Variants in TTYH1 observed in about 807,000 individuals in gnomAD.
TTYH1 encodes protein tweety homolog 1.
TTYH1 carries 33 observed loss-of-function variants against 61.2 expected under a neutral mutation model. The observed-to-expected ratio is 0.54, with a 90% CI of 0.41 to 0.72. TTYH1 has a LOEUF of 0.72. TTYH1 is among the 30% of genes least tolerant of loss of function. The pLI is 0.00. For missense variants in TTYH1, 538 were observed against 575.8 expected, an observed-to-expected ratio of 0.93 and a Z score of 0.67; for synonymous variants, 308 against 266.4, an observed-to-expected ratio of 1.16 and a Z score of -1.52.
intron 10 of TTYH1, among the ~76,000 whole-genome samples, chr19:54,433,875 T>C (rs1321060777): frequency 1.3e-5 from 2 of 152,156 alleles, no homozygotes; most frequent in East Asian, 3.9e-4. Context: ...TTTCCACCAT[T>C]GCAAGAGGCG....
chr19:54,426,644 G>A, intron 4 of TTYH1, 29 bp from the exon 5 acceptor site: 1 of 1,596,428 alleles, frequency 6.3e-7, no homozygotes, highest in Non-Finnish European at 8.6e-7. Flanking sequence ...GCAGGTTTGT[G>A]GTTTCAGCCC....
At position 54,419,051 on chromosome 19, in the gene TTYH1, C is replaced by G. The variant is rs543393492; in HGVS notation, c.127-77C>G. ...CTCTGACATCCCAGACCCCGACCCC[C>G]CAGCCACGCAGGAAGGGGGATCTGA... On this transcript the variant is annotated intron_variant, in intron 1 of 13. Transcript: ENST00000376530. The surrounding 1 kb of genome is among the most constrained non-coding windows in gnomAD (Gnocchi z 6.1). The G allele has an allele frequency of 2.1e-6, 3 of 1,460,008 alleles. No homozygotes were observed. Among genetic ancestry groups the G allele is most frequent in the South Asian group, 2.6e-5 (2 of 76,144 alleles). The allele number at this position is 1,460,008 out of a possible 1,614,324, so 90.4% of individuals were successfully genotyped here.
Position 54,431,122 on chromosome 19 carries a change from G to C in TTYH1, c.1056G>C (p.Glu352Asp). 6.2e-7 allele frequency: 1 copy of C among 1,613,944 alleles called. No individual in the cohort carries two copies. Among genetic ancestry groups the C allele is most frequent in the Non-Finnish European group, 8.5e-7 (1 of 1,179,836 alleles). Reference sequence around the variant, plus strand: ...AGAAGCCTCTGCTGTCCTTGGAGGAGACTCTGAATGTGACAGAAGGAAATT... The same window carrying C: ...AGAAGCCTCTGCTGTCCTTGGAGGACACTCTGAATGTGACAGAAGGAAATT... ...SAQKPLLSLE[E>D]TLNVTEGNFH... The change falls in exon 10 of 14, where the codon GAG becomes GAC. Residue 352 changes from glutamate (E) to aspartate (D), a missense_variant. Physicochemically the swap from Glu to Asp is conservative, Grantham distance 45. Coordinates refer to ENST00000376530, the MANE Select transcript of TTYH1 (RefSeq NM_020659.4).
intron 4 of TTYH1, among the ~76,000 whole-genome samples, chr19:54,425,711 AC>A (rs1462707255): frequency 4.5e-5 from 1 of 22,178 alleles, no homozygotes. Flanking sequence ...TTAAGGATTA[AC>A]TTTTTTTTTT....
Position 54,429,288 on chromosome 19 carries a change from C to A in TTYH1, c.735-19C>A. Reference sequence around the variant, plus strand: ...AGGAGATTAAGAACCCCGGGCTGATCCTCCCTCCCCCACTCTAGGATGACA... The same window carrying A: ...AGGAGATTAAGAACCCCGGGCTGATACTCCCTCCCCCACTCTAGGATGACA... On this transcript the variant is annotated intron_variant, in intron 5 of 13. Transcript: ENST00000376530. This position sits in a 1 kb window ranked among gnomAD's most constrained non-coding sequence, Gnocchi z 5.1. The A allele has an allele frequency of 6.2e-7, 1 of 1,612,884 alleles. No homozygotes were observed. Among genetic ancestry groups the A allele is most frequent in the Middle Eastern group, 1.7e-4 (1 of 6,060 alleles).
chr19:54,417,756 G>A (rs2083118015), intron 1 of TTYH1, among the ~76,000 whole-genome samples: 1 of 151,224 alleles, frequency 6.6e-6, no homozygotes, highest in Non-Finnish European at 1.5e-5. Context: ...TAGCATTCAT[G>A]TGCACACACA....
intron 10 of TTYH1, among the ~76,000 whole-genome samples, chr19:54,435,273 G>A (rs1411315564): frequency 6.6e-6 from 1 of 152,112 alleles, no homozygotes; most frequent in East Asian, 1.9e-4. Flanking sequence ...GGAGATAGGG[G>A]CCTGCAATGA....
rs1264448740 is a variant in TTYH1, at chr19:54,434,957, CCCA to C, written c.1126-583_1126-581del. ...GGAGCTGAGTGGGGCTGCTCAGCAC[CCCA>C]CAACACACAGGGCAGCGCCGTCACC... On this transcript the variant is annotated intron_variant, in intron 10 of 13. Coordinates refer to ENST00000376530, the MANE Select transcript of TTYH1 (RefSeq NM_020659.4). This position sits in a 1 kb window ranked among gnomAD's most constrained non-coding sequence, Gnocchi z 4.3. The C allele has an allele frequency of 6.6e-6, 1 of 152,232 alleles. No homozygotes were observed. The highest frequency in any genetic ancestry group is 2.4e-5 in the African/African-American group (1 of 41,372). 9.4% of individuals were successfully genotyped at this position (152,232 alleles called of 1,614,324 possible).
rs764209272 is a variant in TTYH1, at chr19:54,430,543, A to T, written c.884-7A>T. The T allele has an allele frequency of 1.2e-6, 2 of 1,613,260 alleles. No homozygotes were observed. On this transcript the variant is annotated splice_polypyrimidine_tract_variant and splice_region_variant and intron_variant, in intron 7 of 13. Transcript: ENST00000376530. ...TGGCCTCCTCCCCTCTCCTCCTCCC[A>T]CTTCAGACATCCTGAGCTATTATCT...
intron 4 of TTYH1, among the ~76,000 whole-genome samples, chr19:54,423,284 G>A (rs1019726726): frequency 6.8e-6 from 1 of 147,756 alleles, no homozygotes; most frequent in Non-Finnish European, 1.5e-5. Flanking sequence ...TGCAACCTCC[G>A]CCTCCTGGAT....
intron 10 of TTYH1, chr19:54,433,416 C>G (rs962699797): frequency 6.6e-6 from 1 of 151,432 alleles, no homozygotes; most frequent in African/African-American, 2.4e-5. Context: ...AAAAACTAGC[C>G]GGGCGTGGTG....
Position 54,429,624 on chromosome 19 carries a change from T to G in TTYH1, c.807+245T>G. ...GGTCTGAGGGAGGAGGGGCTGGGGG[T>G]CTGGACTCCTGGGTGTGAGGGAGGA... is the stretch of plus-strand genomic sequence containing the variant. On this transcript the variant is annotated intron_variant, in intron 6 of 13. Coordinates refer to ENST00000376530, the MANE Select transcript of TTYH1 (RefSeq NM_020659.4). The surrounding 1 kb of genome is among the most constrained non-coding windows in gnomAD (Gnocchi z 5.1). Among the ~76,000 whole-genome samples the G allele has an allele frequency of 6.8e-6, 1 of 146,418 alleles. No individual in the cohort carries two copies. The highest frequency in any genetic ancestry group is 1.5e-5 in the Non-Finnish European group (1 of 66,376).
rs1187893497 is a variant in TTYH1, at chr19:54,420,509, AGG to A, written c.306-766_306-765del. Among the ~76,000 whole-genome samples, 1 of 149,780 alleles carries A rather than the reference AGG, an allele frequency of 6.7e-6. No individual in the cohort carries two copies. Among genetic ancestry groups the A allele is most frequent in the Non-Finnish European group, 1.5e-5 (1 of 67,552 alleles). On this transcript the variant is annotated intron_variant, in intron 2 of 13. Transcript: ENST00000376530. This position sits in a 1 kb window ranked among gnomAD's most constrained non-coding sequence, Gnocchi z 4.8. ...GGCCCAGCCGGGGCTGGGAACCGGG[AGG>A]GTGTCAGGCTCCCGCCCCCTCCACT... is the stretch of plus-strand genomic sequence containing the variant.
chr19:54,435,747 C>T (rs568554680), intron 11 of TTYH1, 63 bp downstream of exon 11: 28 of 1,611,466 alleles, frequency 1.7e-5, no homozygotes, highest in African/African-American at 2.7e-5. Context: ...CTGGGGACCA[C>T]GGTGGCAGTG....
At chr19:54,427,334 G>T in intron 5 of TTYH1, among the ~76,000 whole-genome samples, 1 of 145,836 alleles carries the variant, frequency 6.9e-6, no homozygotes, top group Admixed American at 6.9e-5. Context: ...GGCTGGGCGT[G>T]GTGGCTCACG....
At chr19:54,430,792 C>T (rs372143849) in intron 8 of TTYH1, 21 bp from the exon 9 acceptor site, 10 of 1,612,286 alleles carry the variant, frequency 6.2e-6, no homozygotes, top group Non-Finnish European at 7.6e-6. Flanking sequence ...GGTCCTCCTC[C>T]CTCCCTTTCT....
intron 9 of TTYH1, 85 bp downstream of exon 9, chr19:54,430,990 C>A: frequency 6.7e-7 from 1 of 1,499,376 alleles, no homozygotes; most frequent in Non-Finnish European, 9.2e-7. Context: ...GTAGGCGGGG[C>A]TGCAGAGCTA....
Position 54,436,310 on chromosome 19 carries a change from C to T in TTYH1, c.*43-23C>T. The T allele has an allele frequency of 6.2e-7, 1 of 1,614,068 alleles. No individual in the cohort carries two copies. The highest frequency in any genetic ancestry group is 2.2e-5 in the East Asian group (1 of 44,876). On this transcript the variant is annotated intron_variant, in intron 13 of 13. Transcript: ENST00000376530. This position sits in a 1 kb window ranked among gnomAD's most constrained non-coding sequence, Gnocchi z 4.3. Reference sequence around the variant, plus strand: ...CAGGCCCTCCAGCCTGCATCACTGCCCTGTCTCTCCCTCTCTCCGCAGTTC... The same window carrying T: ...CAGGCCCTCCAGCCTGCATCACTGCTCTGTCTCTCCCTCTCTCCGCAGTTC...
intron 10 of TTYH1, among the ~76,000 whole-genome samples, chr19:54,433,932 TGAA>T (rs1431568129): frequency 3.3e-5 from 5 of 151,992 alleles, no homozygotes; most frequent in Non-Finnish European, 5.9e-5. Flanking sequence ...GTTGTGAGGA[TGAA>T]GGACAGTGTG....
Sources: allele counts gnomAD v4.1 joint callset (sites outside exome capture counted in the v4.1 genomes callset), GRCh38; gene constraint gnomAD v4.1.1; non-coding constraint Gnocchi (gnomAD v3.1); transcripts MANE v1.5; gene names NCBI Gene and HGNC (gene_info 2026-07-23, HGNC 2026-07-21).